The following ZC3H15 variants were observed in gnomAD, a reference collection of about 807,000 sequenced individuals.
The protein encoded by ZC3H15 is zinc finger CCCH domain-containing protein 15.
Under a neutral mutation model 51.2 loss-of-function variants are expected in ZC3H15, and 15 were observed. The observed-to-expected ratio is 0.29, with a 90% confidence interval of 0.20 to 0.45. ZC3H15 has a LOEUF of 0.45. Among genes scored for constraint, ZC3H15 ranks in the 20% least tolerant of loss-of-function variants. The pLI is 1.00. For synonymous variants in ZC3H15, 144 were observed against 162.8 expected, an observed-to-expected ratio of 0.88 and a Z score of 0.88; for missense variants, 381 against 494.7, an observed-to-expected ratio of 0.77 and a Z score of 2.18.
intron 9 of ZC3H15, among the ~76,000 whole-genome samples, chr2:186,508,195 A>C (rs922455775): frequency 6.6e-6 from 1 of 152,190 alleles, no homozygotes; most frequent in African/African-American, 2.4e-5. Context: ...TGGTTTCCAT[A>C]ACCATTTAGT....
intron 1 of ZC3H15, among the ~76,000 whole-genome samples, chr2:186,490,119 G>C (rs1035924227): frequency 3.3e-5 from 5 of 151,134 alleles, no homozygotes; most frequent in Non-Finnish European, 5.9e-5. Flanking sequence ...TTTTTTATTT[G>C]CCTCTTCAAA....
chr2:186,506,199 T>C (rs1685464743), intron 8 of ZC3H15: 1 of 344,946 alleles, frequency 2.9e-6, no homozygotes, highest in South Asian at 2.6e-5. Context: ...TTAAAAGTTA[T>C]GGGACAAGTG....
At chr2:186,495,123 T>C in intron 1 of ZC3H15, 110 bp from the exon 2 acceptor site, 1 of 626,644 alleles carries the variant, frequency 1.6e-6, no homozygotes, top group South Asian at 2.7e-5. Context: ...TGCATGTTTT[T>C]ATATTAGTAA....
intron 6 of ZC3H15, chr2:186,505,148 TTATAA>T (rs1392915934): frequency 6.1e-6 from 1 of 162,934 alleles, no homozygotes; most frequent in African/African-American, 2.4e-5. Context: ...ATGGTGCTTT[TTATAA>T]TATATTTATT....
intron 1 of ZC3H15, among the ~76,000 whole-genome samples, chr2:186,494,928 G>A (rs564980571): frequency 2.3e-4 from 35 of 151,746 alleles, no homozygotes; most frequent in African/African-American, 8.5e-4. Flanking sequence ...TAACAAACCT[G>A]CACGTTGTAC....
chr2:186,500,682 T>G (rs1224756145), intron 3 of ZC3H15: 1 of 458,360 alleles, frequency 2.2e-6, no homozygotes, highest in African/African-American at 2.0e-5. Flanking sequence ...TTGTTTTTGT[T>G]TTTGTTTTTT....
intron 2 of ZC3H15, among the ~76,000 whole-genome samples, chr2:186,495,809 T>G (rs1467268210): frequency 6.6e-6 from 1 of 152,254 alleles, no homozygotes; most frequent in Non-Finnish European, 1.5e-5. Flanking sequence ...TTGTAGTACA[T>G]GAGCAATAGA....
At chr2:186,505,105 T>C (rs988110) in intron 6 of ZC3H15, 102,307 of 154,092 alleles carry the variant, frequency 0.66, 34,287 homozygotes, top group Non-Finnish European at 0.71. Flanking sequence ...TTTCTCATCT[T>C]CTCAGGAACA....
At chr2:186,500,728 G>A in intron 3 of ZC3H15, 1 of 454,860 alleles carries the variant, frequency 2.2e-6, no homozygotes, top group Non-Finnish European at 4.4e-6. Flanking sequence ...AGGCTGGAGT[G>A]CAGTGGCACC....
chr2:186,486,788 T>C (rs1391598246), intron 1 of ZC3H15: 1 of 302,234 alleles, frequency 3.3e-6, no homozygotes, highest in Non-Finnish European at 6.1e-6. Flanking sequence ...TTTTCCAAGG[T>C]TATGTGTGAA....
intron 2 of ZC3H15, chr2:186,499,553 T>C: frequency 2.2e-6 from 1 of 456,084 alleles, no homozygotes; most frequent in Non-Finnish European, 4.4e-6. Context: ...GTCATCCTGC[T>C]AGATTCTGAG....
intron 3 of ZC3H15, chr2:186,500,567 C>T: frequency 1.8e-6 from 1 of 567,770 alleles, no homozygotes; most frequent in Non-Finnish European, 3.3e-6. Flanking sequence ...AACATTCAGT[C>T]TTTGGTAGTA....
At chr2:186,500,104 T>C (rs1472553861) in intron 2 of ZC3H15, 78 bp from the exon 3 acceptor site, 2 of 1,202,604 alleles carry the variant, frequency 1.7e-6, no homozygotes, top group Non-Finnish European at 1.2e-6. Flanking sequence ...AAGTGTCTTG[T>C]TATGGTAATG....
At chr2:186,487,917 TTA>T (rs927759816) in intron 1 of ZC3H15, among the ~76,000 whole-genome samples, 3 of 152,208 alleles carry the variant, frequency 2.0e-5, no homozygotes, top group Non-Finnish European at 4.4e-5. Flanking sequence ...TTTTAAGGAA[TTA>T]TGTGTGAAAG....
At chr2:186,501,448 C>A (rs962243795) in intron 4 of ZC3H15, 23 bp downstream of exon 4, 1 of 1,592,820 alleles carries the variant, frequency 6.3e-7, no homozygotes, top group East Asian at 2.2e-5. Context: ...AAAACACTCT[C>A]TTAAAAATAA....
In ZC3H15 at chr2:186,490,831, C is replaced by G. The variant is rs533378361; in HGVS notation, c.75+4374C>G. The stretch of plus-strand genomic sequence containing the variant: ...GCCTCAGGAAGTCATCCTTTTCTTT[C>G]GAGACTCCTCTGTATTCATGTCCCA... On this transcript the variant is annotated intron_variant, in intron 1 of 9. Coordinates refer to ENST00000337859, the MANE Select transcript of ZC3H15 (RefSeq NM_018471.3). 1.1e-4 allele frequency among the ~76,000 whole-genome samples: 16 copies of G among 152,260 alleles called. No individual in the cohort carries two copies. The South Asian group carries it at 3.3e-3, about 32-fold the overall frequency.
chr2:186,493,013 A>T (rs566465464), intron 1 of ZC3H15, among the ~76,000 whole-genome samples: 4 of 152,088 alleles, frequency 2.6e-5, no homozygotes, highest in Non-Finnish European at 5.9e-5. Context: ...GAAGATTGGC[A>T]GTAGATGGAT....
chr2:186,495,132 A>G, intron 1 of ZC3H15, 101 bp from the exon 2 acceptor site: 1 of 676,116 alleles, frequency 1.5e-6, no homozygotes, highest in Non-Finnish European at 2.4e-6. Flanking sequence ...TTATATTAGT[A>G]AAGAATAATT....
Position 186,505,489 on chromosome 2 carries a change from A to C in ZC3H15, c.756A>C (p.Leu252=). The C allele has an allele frequency of 1.3e-6, 2 of 1,587,302 alleles. No homozygotes were observed. Among genetic ancestry groups the C allele is most frequent in the South Asian group, 1.2e-5 (1 of 85,678 alleles). ...GTCCAAATGTTACCAAAATCACTCT[A>C]GAATCTTTTCTTGCCTGGAAGAAAA... ...ALGPNVTKIT[L]ESFLAWKKRK... Residue 252 remains leucine, a synonymous_variant, in exon 7 of 10, where the codon CTA becomes CTC. Coordinates refer to ENST00000337859, the MANE Select transcript of ZC3H15 (RefSeq NM_018471.3).
Sources: gnomAD v4.1 joint callset for allele counts (sites outside exome capture counted in the v4.1 genomes callset) on GRCh38, gnomAD v4.1.1 for gene constraint, MANE v1.5 for transcripts, NCBI Gene and HGNC (gene_info 2026-07-23, HGNC 2026-07-21) for gene names.